DAB2: variants seen among roughly 807,000 people sequenced by gnomAD.
DAB2 encodes the protein DAB adaptor protein 2.
A neutral mutation model predicts 71.6 loss-of-function variants in DAB2; 28 were observed. That is an observed-to-expected ratio of 0.39 (90% confidence interval 0.29 to 0.54). DAB2 has a LOEUF of 0.54. DAB2 is among the 20% of genes least tolerant of loss of function. The pLI, the probability that DAB2 is intolerant of heterozygous loss-of-function variation, is 0.68. For missense variants in DAB2, 867 were observed against 928.8 expected (o/e 0.93, Z 0.86); for synonymous variants, 345 against 339.7 (o/e 1.02, Z -0.17).
intron 1 of DAB2, 29 bp from the exon 2 acceptor site, chr5:39,394,450 G>C (rs1004630290): frequency 8.5e-6 from 6 of 704,658 alleles, no homozygotes; most frequent in African/African-American, 5.3e-5. Context: ...GGCATATTGA[G>C]ATCAGAACAC....
chr5:39,383,949 G>T (rs1011373574), intron 9 of DAB2, among the ~76,000 whole-genome samples: 4 of 152,202 alleles, frequency 2.6e-5, no homozygotes, highest in African/African-American at 7.2e-5. Flanking sequence ...TCTTGCTGAA[G>T]CTGATAGTCA....
intron 4 of DAB2, among the ~76,000 whole-genome samples, chr5:39,390,808 T>C (rs937665445): frequency 6.6e-6 from 1 of 152,196 alleles, no homozygotes; most frequent in African/African-American, 2.4e-5. Context: ...AAAATATTGA[T>C]ACTTTACTCT....
At chr5:39,416,176 G>A (rs967658472) in intron 1 of DAB2, among the ~76,000 whole-genome samples, 6 of 151,934 alleles carry the variant, frequency 3.9e-5, no homozygotes, top group African/African-American at 7.2e-5. Flanking sequence ...CATGATTAGC[G>A]GACTTATATT....
At chr5:39,385,098 C>T (rs546372264) in intron 9 of DAB2, 195 of 151,886 alleles carry the variant, frequency 1.3e-3, no homozygotes, top group Admixed American at 3.7e-3. Flanking sequence ...TACTGTGAGG[C>T]ATAAAAATAC....
At position 39,406,710 on chromosome 5, in the gene DAB2, T is replaced by C. The variant is rs568374257; in HGVS notation, c.-101-12289A>G. Among the ~76,000 whole-genome samples the C allele has an allele frequency of 5.2e-5, 8 of 152,386 alleles. No individual in the cohort carries two copies. The South Asian group carries it at 1.7e-3, about 32-fold the overall frequency. ...ATAAACCCGTTTTAAAATTTGAATT[T>C]AGAAGAACTTTATTTTGTATCATTA... On this transcript the variant is annotated intron_variant, in intron 1 of 14. Coordinates refer to ENST00000320816, the MANE Select transcript of DAB2 (RefSeq NM_001343.4).
Position 39,389,108 on chromosome 5 carries a change from T to C in DAB2, c.559A>G (p.Lys187Glu). 6.2e-7 allele frequency: 1 copy of C among 1,613,210 alleles called. No individual in the cohort carries two copies. Among genetic ancestry groups the C allele is most frequent in the Non-Finnish European group, 8.5e-7 (1 of 1,179,364 alleles). The change falls in exon 7 of 15, where the codon AAA (lysine) becomes GAA (glutamate). Residue 187 changes from lysine to glutamate, a missense_variant. By Grantham distance (56) the Lys-to-Glu change is moderately conservative (BLOSUM62 1). Around this residue, in one of 2 missense-constraint regions of DAB2, gnomAD observed 740 missense variants for 734.3 expected, o/e 1.01. Transcript: ENST00000320816. ...AGATGCAATTTTACCTCAACTGCTT[T>C]GCTGGCTTCCTCTATCTAAAAAGAA... ...EEKKKIEEASKAVENGSEALM... is the reference protein window; with the variant it reads ...EEKKKIEEASEAVENGSEALM...
chr5:39,394,700 A>G lies in DAB2; in HGVS notation c.-101-279T>C, dbSNP rs573808451. Reference sequence around the variant, plus strand: ...ATCTAGCTAAGCAGTTTTTATTAGAACTTTCACATAAAAAGCAAGTATTAA... The same window carrying G: ...ATCTAGCTAAGCAGTTTTTATTAGAGCTTTCACATAAAAAGCAAGTATTAA... On this transcript the variant is annotated intron_variant, in intron 1 of 14. Coordinates refer to ENST00000320816, the MANE Select transcript of DAB2 (RefSeq NM_001343.4). Among the ~76,000 whole-genome samples, 221 of 152,310 alleles carry G rather than the reference A, an allele frequency of 1.5e-3. 1 individual carries two copies. The highest frequency in any genetic ancestry group is 7.3e-5 in the Non-Finnish European group (5 of 68,038).
intron 1 of DAB2, among the ~76,000 whole-genome samples, chr5:39,398,137 A>C (rs62358422): frequency 1.3e-5 from 2 of 152,238 alleles, no homozygotes; most frequent in Non-Finnish European, 2.9e-5. Context: ...GACTTAGCTC[A>C]TTAAATTTGG....
intron 11 of DAB2, 143 bp from the exon 12 acceptor site, chr5:39,377,425 A>T: frequency 1.2e-6 from 1 of 841,102 alleles, no homozygotes; most frequent in East Asian, 2.5e-5. Context: ...AGAATATGAC[A>T]GATTAATCAC....
chr5:39,416,668 A>C (rs1162602407), intron 1 of DAB2, among the ~76,000 whole-genome samples: 1 of 152,086 alleles, frequency 6.6e-6, no homozygotes, highest in African/African-American at 2.4e-5. Context: ...AAGGCCACTC[A>C]AGATGTGTGG....
chr5:39,382,913 T>C lies in DAB2; in HGVS notation c.1046A>G (p.Gln349Arg), dbSNP rs1186002129. Residue 349 changes from glutamine (Q) to arginine (R), a missense_variant, in exon 10 of 15, where the codon CAG (glutamine) becomes CGG (arginine). Physicochemically the swap from Gln to Arg is conservative, Grantham distance 43. Transcript: ENST00000320816. ...DVDYFGQQFD[Q>R]ISNRTGKQEA... is the part of the protein sequence containing the mutation. ...CTGTTTGCCAGTCCGGTTAGAGATCTGGTCAAATTGCTGACCAAAGTAGTC... is the reference window on the plus strand; with the variant it reads ...CTGTTTGCCAGTCCGGTTAGAGATCCGGTCAAATTGCTGACCAAAGTAGTC... 1.1e-5 allele frequency: 18 copies of C among 1,614,124 alleles called. No homozygotes were observed. The highest frequency in any genetic ancestry group is 9.9e-5 in the South Asian group (9 of 91,070).
chr5:39,396,499 G>A (rs1403373393), intron 1 of DAB2, among the ~76,000 whole-genome samples: 2 of 152,222 alleles, frequency 1.3e-5, no homozygotes, highest in African/African-American at 4.8e-5. Context: ...CATGCAGATG[G>A]TAATGAGGGC....
intron 1 of DAB2, among the ~76,000 whole-genome samples, chr5:39,419,205 A>C (rs1755917009): frequency 6.6e-6 from 1 of 152,224 alleles, no homozygotes; most frequent in Non-Finnish European, 1.5e-5. Context: ...TAGCACTGCC[A>C]TTCACATGTA....
chr5:39,414,108 A>AC (rs36055273), intron 1 of DAB2, among the ~76,000 whole-genome samples: 3 of 152,100 alleles, frequency 2.0e-5, no homozygotes, highest in African/African-American at 7.2e-5. Flanking sequence ...AAAAACTCTT[A>AC]TGCTAGGATT....
At chr5:39,424,261 C>T (rs1342461337) in intron 1 of DAB2, among the ~76,000 whole-genome samples, 2 of 151,686 alleles carry the variant, frequency 1.3e-5, no homozygotes, top group African/African-American at 4.9e-5. Flanking sequence ...TCTTAAGTCC[C>T]TTGGGTAGAT....
intron 1 of DAB2, among the ~76,000 whole-genome samples, chr5:39,415,171 C>A (rs190009216): frequency 6.6e-5 from 10 of 152,224 alleles, no homozygotes; most frequent in African/African-American, 9.6e-5. Flanking sequence ...GGGTTAATAA[C>A]CCTCTTCAAC....
chr5:39,392,271 CT>C, intron 4 of DAB2, 93 bp downstream of exon 4: 1 of 878,882 alleles, frequency 1.1e-6, no homozygotes, highest in Non-Finnish European at 1.9e-6. Flanking sequence ...CCCCACAGAA[CT>C]TTGAGAACGA....
At chr5:39,396,339 C>T (rs1755370381) in intron 1 of DAB2, among the ~76,000 whole-genome samples, 1 of 152,230 alleles carries the variant, frequency 6.6e-6, no homozygotes, top group South Asian at 2.1e-4. Context: ...AAGCTGTATT[C>T]CAGCACAGCT....
At chr5:39,412,347 T>C (rs533829001) in intron 1 of DAB2, among the ~76,000 whole-genome samples, 1 of 152,240 alleles carries the variant, frequency 6.6e-6, no homozygotes, top group African/African-American at 2.4e-5. Flanking sequence ...CTTAAAGCCA[T>C]TGCAATTTAG....
Sources: gnomAD v4.1 joint callset for allele counts (sites outside exome capture counted in the v4.1 genomes callset) on GRCh38, gnomAD v4.1.1 for gene constraint, gnomAD v4.1.1 regional missense constraint, MANE v1.5 for transcripts, NCBI Gene and HGNC (gene_info 2026-07-23, HGNC 2026-07-21) for gene names.